Variants in WNK3 observed in about 807,000 individuals in gnomAD.
The protein encoded by WNK3 is serine/threonine-protein kinase WNK3.
Under a neutral mutation model 116.7 loss-of-function variants are expected in WNK3, and 18 were observed. That is an observed-to-expected ratio of 0.15 (90% confidence interval 0.11 to 0.23). The LOEUF is 0.23. WNK3 is among the 10% of genes least tolerant of loss of function. The pLI, the probability that WNK3 is intolerant of heterozygous loss-of-function variation, is 1.00. For synonymous variants in WNK3, 404 were observed against 469.4 expected, an observed-to-expected ratio of 0.86 and a Z score of 1.80; for missense variants, 993 against 1,323.8, an observed-to-expected ratio of 0.75 and a Z score of 3.88.
At chrX:54,338,211 A>G (rs1338819845) in intron 1 of WNK3, among the ~76,000 whole-genome samples, 2 of 111,183 alleles carry the variant, frequency 1.8e-5, no homozygotes, top group East Asian at 5.6e-4. Flanking sequence ...ACCTGAGGTC[A>G]GAAGTTCTAG....
intron 22 of WNK3, among the ~76,000 whole-genome samples, chrX:54,221,833 TA>T (rs1236235763): frequency 5.6e-5 from 6 of 106,779 alleles, no homozygotes; most frequent in East Asian, 2.9e-4. Context: ...GACCCCATCT[TA>T]AAAAAAAACC....
At chrX:54,354,629 C>T (rs1557179071) in intron 1 of WNK3, among the ~76,000 whole-genome samples, 2 of 111,007 alleles carry the variant, frequency 1.8e-5, no homozygotes, top group Non-Finnish European at 3.8e-5. Context: ...ACCACCATGG[C>T]ACGCGTTTAT....
At chrX:54,279,465 G>C (rs1262347228) in intron 10 of WNK3, among the ~76,000 whole-genome samples, 1 of 111,283 alleles carries the variant, frequency 9.0e-6, no homozygotes, top group Non-Finnish European at 1.9e-5. Flanking sequence ...CTGGGAGGCT[G>C]AGGTGGGAGG....
chrX:54,200,470 T>G (rs1305094778), intron 23 of WNK3, among the ~76,000 whole-genome samples: 1 of 111,674 alleles, frequency 9.0e-6, no homozygotes, highest in Non-Finnish European at 1.9e-5. Context: ...GTACCTACTA[T>G]GTAACACCTA....
Position 54,222,918 on chromosome X carries a change from AT to A in WNK3, c.4870+5795del, listed in dbSNP as rs1199021196. ...GTATAATAATAATAATAATAATAAT[AT>A]ATATATATATATATATATATAAAAA... On this transcript the variant is annotated intron_variant, in intron 22 of 23. Transcript: ENST00000354646. 4.0e-3 allele frequency among the ~76,000 whole-genome samples: 331 copies of A among 82,420 alleles called. 1 individual carries two copies. The highest frequency in any genetic ancestry group is 0.014 in the African/African-American group (280 of 19,470). The allele number at this position is 82,420 out of a possible 115,157, so 71.6% of individuals were successfully genotyped here.
intron 22 of WNK3, among the ~76,000 whole-genome samples, chrX:54,215,599 C>G (rs1423513771): frequency 6.1e-4 from 68 of 112,281 alleles, no homozygotes; most frequent in Non-Finnish European, 8.1e-4. Context: ...GCAGCCTCTG[C>G]CCGGCCGCCA....
At chrX:54,321,941 G>A (rs782263039) in intron 2 of WNK3, among the ~76,000 whole-genome samples, 1 of 103,265 alleles carries the variant, frequency 9.7e-6, no homozygotes, top group African/African-American at 3.6e-5. Flanking sequence ...CCGAGATCAC[G>A]CCATCGCACT....
chrX:54,221,468 C>T (rs887717661), intron 22 of WNK3, among the ~76,000 whole-genome samples: 20 of 111,790 alleles, frequency 1.8e-4, no homozygotes, highest in African/African-American at 5.2e-4. Context: ...TGAGGGAATA[C>T]GTGTGTGTAT....
chrX:54,295,567 A>G (rs1028884095), intron 7 of WNK3, among the ~76,000 whole-genome samples: 1 of 112,328 alleles, frequency 8.9e-6, no homozygotes, highest in Admixed American at 9.5e-5. Context: ...TGAGCACACT[A>G]TCAGGTGGTG....
chrX:54,241,635 A>C (rs1412249103), intron 17 of WNK3, among the ~76,000 whole-genome samples: 1 of 111,649 alleles, frequency 9.0e-6, no homozygotes. Flanking sequence ...AAAAAGCAAA[A>C]GGACAAACAA....
At chrX:54,199,571 C>T (rs1003783000) in intron 23 of WNK3, among the ~76,000 whole-genome samples, 1 of 112,098 alleles carries the variant, frequency 8.9e-6, no homozygotes, top group African/African-American at 3.2e-5. Flanking sequence ...CGGTGGCTCA[C>T]GCCTGTAATC....
intron 1 of WNK3, among the ~76,000 whole-genome samples, chrX:54,352,742 T>A (rs930582775): frequency 9.0e-6 from 1 of 111,401 alleles, no homozygotes. Flanking sequence ...CCAAAATAAA[T>A]GAAAACAGGT....
Position 54,262,556 on chromosome X carries a change from A to G in WNK3, c.2038-3218T>C, listed in dbSNP as rs781836049. On this transcript the variant is annotated intron_variant, in intron 10 of 23. Transcript: ENST00000354646. ...TTTCCTTTCTTATTTCTACCTTCAC[A>G]CATTTATTGGAAACCTAGTGTGTAG... 5.4e-5 allele frequency among the ~76,000 whole-genome samples: 6 copies of G among 110,844 alleles called. No homozygotes were observed. In the East Asian group the frequency reaches 1.1e-3, roughly 21 times the overall value.
chrX:54,294,967 G>A (rs897685848), intron 7 of WNK3, 120 bp from the exon 8 acceptor site: 16 of 542,531 alleles, frequency 2.9e-5, no homozygotes, highest in Non-Finnish European at 4.0e-5. Context: ...GCATGATCTC[G>A]GCTCACTGCA....
At chrX:54,240,304 C>CA (rs1241150139) in intron 17 of WNK3, among the ~76,000 whole-genome samples, 376 of 69,655 alleles carry the variant, frequency 5.4e-3, no homozygotes, top group Middle Eastern at 0.026. Flanking sequence ...ACTCTTGTTT[C>CA]AAAAAAAAAA....
chrX:54,232,111 G>GTATATATA (rs1408295336), intron 21 of WNK3, among the ~76,000 whole-genome samples: 79 of 95,567 alleles, frequency 8.3e-4, no homozygotes, highest in African/African-American at 3.6e-3. Context: ...GTGTGTGTGT[G>GTATATATA]TGTATATATA....
intron 10 of WNK3, among the ~76,000 whole-genome samples, chrX:54,290,676 G>A (rs890146901): frequency 1.8e-5 from 2 of 111,466 alleles, no homozygotes; most frequent in African/African-American, 6.5e-5. Context: ...CTGAGTATCC[G>A]AATCTGACAT....
At position 54,198,663 on chromosome X, in the gene WNK3, A is replaced by G. The variant is rs138709220; in HGVS notation, c.5074-10T>C. 3.6e-6 allele frequency: 4 copies of G among 1,126,472 alleles called. No homozygotes were observed. The African/African-American group carries it at 5.5e-5, about 15-fold the overall frequency. The allele number at this position is 1,126,472 out of a possible 1,213,427, so 92.8% of individuals were successfully genotyped here. A position where few individuals can be genotyped will look rare whatever the true frequency, so the allele number is the denominator to read the frequency against. On this transcript the variant is annotated splice_polypyrimidine_tract_variant and intron_variant, in intron 23 of 23. Coordinates refer to ENST00000354646, the Ensembl canonical transcript of WNK3. Reference sequence around the variant, plus strand: ...TAGTAGACGGAGTATTCTAAGAAAAACAAAAATAAAAACAAAAGATCAGTT... The same window carrying G: ...TAGTAGACGGAGTATTCTAAGAAAAGCAAAAATAAAAACAAAAGATCAGTT...
chrX:54,280,167 G>C (rs1156651695), intron 10 of WNK3, among the ~76,000 whole-genome samples: 2 of 110,740 alleles, frequency 1.8e-5, no homozygotes, highest in African/African-American at 6.6e-5. Context: ...CACGGTGGCA[G>C]GCAACTGTAA....
Sources: gnomAD v4.1 joint callset for allele counts (sites outside exome capture counted in the v4.1 genomes callset) on GRCh38, gnomAD v4.1.1 for gene constraint, MANE v1.5 for transcripts, NCBI Gene and HGNC (gene_info 2026-07-23, HGNC 2026-07-21) for gene names.